The following KCNT2 variants were observed in gnomAD, a reference collection of about 807,000 sequenced individuals.
The protein encoded by KCNT2 is potassium sodium-activated channel subfamily T member 2, also known as potassium channel subfamily T member 2.
KCNT2 carries 67 observed loss-of-function variants against 153.8 expected under a neutral mutation model. The ratio of observed to expected loss-of-function variants is 0.44; its 90% CI spans 0.36 to 0.53. The LOEUF is 0.53. Ranked by LOEUF, KCNT2 falls within the 20% of genes least tolerant of loss-of-function variation. The pLI is 0.00. For synonymous variants in KCNT2, 500 were observed against 458.8 expected, an observed-to-expected ratio of 1.09 and a Z score of -1.15; for missense variants, 975 against 1,354.8, an observed-to-expected ratio of 0.72 and a Z score of 4.40.
At chr1:196,551,877 T>C (rs1657951049) in intron 1 of KCNT2, among the ~76,000 whole-genome samples, 1 of 151,612 alleles carries the variant, frequency 6.6e-6, no homozygotes, top group African/African-American at 2.4e-5. Context: ...AAACATTCAC[T>C]CTTCCACCTG....
chr1:196,415,252 C>T (rs1030635582), intron 12 of KCNT2, among the ~76,000 whole-genome samples: 1 of 151,848 alleles, frequency 6.6e-6, no homozygotes, highest in Non-Finnish European at 1.5e-5. Flanking sequence ...AAGATTTCTA[C>T]TATCCTGATT....
chr1:196,314,073 T>C (rs1662462973), intron 21 of KCNT2, among the ~76,000 whole-genome samples: 1 of 151,634 alleles, frequency 6.6e-6, no homozygotes, highest in African/African-American at 2.4e-5. Context: ...TGAGTTAATT[T>C]GTTTTAAATT....
chr1:196,332,460 C>T (rs1406838533), intron 17 of KCNT2, among the ~76,000 whole-genome samples: 1 of 151,976 alleles, frequency 6.6e-6, no homozygotes, highest in Non-Finnish European at 1.5e-5. Context: ...TGTGGGTACA[C>T]CAACCTTTCT....
intron 12 of KCNT2, among the ~76,000 whole-genome samples, chr1:196,417,238 T>C (rs1330873128): frequency 6.6e-6 from 1 of 152,100 alleles, no homozygotes; most frequent in South Asian, 2.1e-4. Context: ...AATTTACCCA[T>C]GTTTATACTG....
At chr1:196,602,169 A>G (rs1277662846) in intron 1 of KCNT2, among the ~76,000 whole-genome samples, 1 of 152,206 alleles carries the variant, frequency 6.6e-6, no homozygotes, top group African/African-American at 2.4e-5. Context: ...AGACATCTCA[A>G]TGAAGGATAC....
intron 26 of KCNT2, among the ~76,000 whole-genome samples, chr1:196,245,554 T>C (rs892352074): frequency 6.6e-6 from 1 of 152,192 alleles, no homozygotes; most frequent in Non-Finnish European, 1.5e-5. Flanking sequence ...GAAAGACAGA[T>C]ATTTGATTGT....
chr1:196,421,569 T>A (rs935010809), intron 12 of KCNT2, among the ~76,000 whole-genome samples: 1 of 152,044 alleles, frequency 6.6e-6, no homozygotes, highest in Non-Finnish European at 1.5e-5. Context: ...AATGAACTGA[T>A]GAATCAGTCT....
At chr1:196,291,432 C>G (rs1234644931) in intron 22 of KCNT2, among the ~76,000 whole-genome samples, 1 of 151,906 alleles carries the variant, frequency 6.6e-6, no homozygotes, top group African/African-American at 2.4e-5. Flanking sequence ...TGATTCCATC[C>G]TGATAAAAAT....
intron 1 of KCNT2, among the ~76,000 whole-genome samples, chr1:196,586,823 T>C (rs12127468): frequency 6.6e-6 from 1 of 152,128 alleles, no homozygotes; most frequent in African/African-American, 2.4e-5. Flanking sequence ...TGAGCTCTTA[T>C]TTTATTGATA....
At chr1:196,599,693 C>T (rs1310992345) in intron 1 of KCNT2, among the ~76,000 whole-genome samples, 1 of 152,190 alleles carries the variant, frequency 6.6e-6, no homozygotes, top group African/African-American at 2.4e-5. Context: ...CCCTACACAT[C>T]AGCCATGCTT....
chr1:196,358,283 C>G (rs1210594128), intron 14 of KCNT2, among the ~76,000 whole-genome samples: 2 of 151,470 alleles, frequency 1.3e-5, no homozygotes, highest in African/African-American at 4.8e-5. Flanking sequence ...TTCAACAGGT[C>G]TTTCCTCTCC....
At chr1:196,402,720 T>G (rs1329280980) in intron 12 of KCNT2, among the ~76,000 whole-genome samples, 1 of 151,478 alleles carries the variant, frequency 6.6e-6, no homozygotes, top group Admixed American at 6.6e-5. Context: ...AACACAAAGA[T>G]GTAGATAGCA....
chr1:196,227,629 A>G lies in KCNT2; in HGVS notation c.*595T>C, dbSNP rs1314578755. The G allele has an allele frequency of 6.6e-6, 1 of 152,520 alleles. No homozygotes were observed. Among genetic ancestry groups the G allele is most frequent in the Non-Finnish European group, 1.5e-5 (1 of 67,944 alleles). The allele number at this position is 152,520 out of a possible 1,614,324, so 9.4% of individuals were successfully genotyped here. On this transcript the variant is annotated 3_prime_UTR_variant, in exon 28 of 28. Transcript: ENST00000294725. ...AATAAAACATGCTATGAACATCTCAAATTCTAAGATAAATATTTTTATATC... is the reference window on the plus strand; with the variant it reads ...AATAAAACATGCTATGAACATCTCAGATTCTAAGATAAATATTTTTATATC...
intron 8 of KCNT2, among the ~76,000 whole-genome samples, chr1:196,457,339 T>C (rs1477152057): frequency 2.0e-5 from 3 of 151,808 alleles, no homozygotes; most frequent in African/African-American, 7.2e-5. Flanking sequence ...ACAACAATTC[T>C]ATACAATATT....
chr1:196,365,603 T>C (rs1180075472), intron 14 of KCNT2, among the ~76,000 whole-genome samples: 4 of 152,188 alleles, frequency 2.6e-5, no homozygotes, highest in African/African-American at 9.6e-5. Flanking sequence ...GTTAATGTCA[T>C]TGTTCCAAAA....
At chr1:196,590,679 A>G (rs948989001) in intron 1 of KCNT2, among the ~76,000 whole-genome samples, 1 of 152,176 alleles carries the variant, frequency 6.6e-6, no homozygotes, top group Admixed American at 6.6e-5. Context: ...ATCTACTTTA[A>G]AATTTTAAGT....
chr1:196,331,751 T>C (rs1664486255), intron 17 of KCNT2, among the ~76,000 whole-genome samples: 1 of 152,086 alleles, frequency 6.6e-6, no homozygotes, highest in South Asian at 2.1e-4. Flanking sequence ...TAAATAGTAA[T>C]GGTAATTTTT....
At chr1:196,404,655 T>G (rs1056994480) in intron 12 of KCNT2, among the ~76,000 whole-genome samples, 1 of 151,516 alleles carries the variant, frequency 6.6e-6, no homozygotes, top group African/African-American at 2.4e-5. Context: ...TAAATTAGGA[T>G]AGATGATGCT....
chr1:196,256,107 C>T (rs1656461002), intron 26 of KCNT2, among the ~76,000 whole-genome samples: 1 of 151,870 alleles, frequency 6.6e-6, no homozygotes, highest in Admixed American at 6.6e-5. Flanking sequence ...AAATCTTGCC[C>T]TTCCTTTTGG....
Sources: gnomAD v4.1 joint callset for allele counts (sites outside exome capture counted in the v4.1 genomes callset) on GRCh38, gnomAD v4.1.1 for gene constraint, MANE v1.5 for transcripts, NCBI Gene and HGNC (gene_info 2026-07-23, HGNC 2026-07-21) for gene names.